The following EYS variants were observed in gnomAD, a reference collection of about 807,000 sequenced individuals.
The protein encoded by EYS is protein eyes shut homolog.
A neutral mutation model predicts 282.1 loss-of-function variants in EYS; 250 were observed. The ratio of observed to expected loss-of-function variants is 0.89; its 90% CI spans 0.80 to 0.98. EYS has a LOEUF of 0.98. Among genes scored for constraint, EYS ranks in the 50% least tolerant of loss-of-function variants. The probability of loss-of-function intolerance (pLI) is 0.00; values close to 1 mark genes in which losing one functional copy is unlikely to be tolerated. For synonymous variants in EYS, 1,355 were observed against 1,282.9 expected (o/e 1.06, Z -1.20); for missense variants, 4,016 against 3,709.0 (o/e 1.08, Z -2.15).
At chr6:64,783,028 G>A (rs1583153513) in intron 22 of EYS, among the ~76,000 whole-genome samples, 2 of 152,148 alleles carry the variant, frequency 1.3e-5, no homozygotes, top group Non-Finnish European at 2.9e-5. Flanking sequence ...TGATGAAATC[G>A]TGCACTGCCC....
At chr6:64,254,966 G>A (rs955230053) in intron 30 of EYS, among the ~76,000 whole-genome samples, 2 of 152,028 alleles carry the variant, frequency 1.3e-5, no homozygotes, top group African/African-American at 4.8e-5. Flanking sequence ...AAGATGACTT[G>A]ACCTACCCAG....
At chr6:64,304,137 C>T (rs981860884) in intron 30 of EYS, among the ~76,000 whole-genome samples, 5 of 152,058 alleles carry the variant, frequency 3.3e-5, no homozygotes, top group African/African-American at 7.2e-5. Context: ...CTTTTGAGGC[C>T]GATGCTGCAG....
chr6:64,303,995 T>G (rs998389448), intron 30 of EYS, among the ~76,000 whole-genome samples: 3 of 152,194 alleles, frequency 2.0e-5, no homozygotes, highest in African/African-American at 4.8e-5. Flanking sequence ...AGACCAACTT[T>G]TGATCATCGT....
At chr6:64,571,511 C>A (rs1412742484) in intron 26 of EYS, among the ~76,000 whole-genome samples, 1 of 151,880 alleles carries the variant, frequency 6.6e-6, no homozygotes, top group Non-Finnish European at 1.5e-5. Flanking sequence ...AAAATATTAA[C>A]AAAATAGATA....
chr6:64,553,549 C>CG (rs1582887450), intron 26 of EYS, among the ~76,000 whole-genome samples: 1 of 118,356 alleles, frequency 8.4e-6, no homozygotes, highest in African/African-American at 3.3e-5. Context: ...TGTTTGACCC[C>CG]CCCCCCCCCA....
chr6:65,562,631 A>G (rs1000581381), intron 2 of EYS, among the ~76,000 whole-genome samples: 1 of 152,058 alleles, frequency 6.6e-6, no homozygotes, highest in Admixed American at 6.6e-5. Context: ...AAATATATAA[A>G]GTTTGAGGCA....
At chr6:64,449,943 A>G (rs920565105) in intron 26 of EYS, among the ~76,000 whole-genome samples, 61 of 152,160 alleles carry the variant, frequency 4.0e-4, no homozygotes, top group African/African-American at 1.3e-3. Flanking sequence ...AAGAAACTGC[A>G]CCAACTAACG....
chr6:64,428,765 G>A (rs915261924), intron 28 of EYS, among the ~76,000 whole-genome samples: 2 of 152,078 alleles, frequency 1.3e-5, no homozygotes, highest in African/African-American at 4.8e-5. Flanking sequence ...TTATTATCTT[G>A]TTTTAAAAAG....
intron 7 of EYS, among the ~76,000 whole-genome samples, chr6:65,384,906 C>T (rs900755694): frequency 1.3e-5 from 2 of 151,842 alleles, no homozygotes; most frequent in Non-Finnish European, 2.9e-5. Context: ...GAATTTGAGA[C>T]AGGATAGAGT....
At chr6:65,317,832 T>TCCAGACAGAG (rs1459428434) in intron 11 of EYS, among the ~76,000 whole-genome samples, 1 of 46,170 alleles carries the variant, frequency 2.2e-5, no homozygotes, top group Non-Finnish European at 4.0e-5. Flanking sequence ...CTTCCTTTCT[T>TCCAGACAGAG]TCTTTCTTTC....
At position 64,096,866 on chromosome 6, in the gene EYS, T is replaced by C. The variant is rs192161581; in HGVS notation, c.6425-14864A>G. The stretch of plus-strand genomic sequence containing the variant: ...TTTCCAGTTTTTCTGCTCTGTTTTT[T>C]CCCCATCTTTGTGGTTTTATCTACC... On this transcript the variant is annotated intron_variant, in intron 31 of 42. Transcript: ENST00000503581. 6.4e-3 allele frequency among the ~76,000 whole-genome samples: 970 copies of C among 152,342 alleles called. 9 individuals are homozygous for C. Among genetic ancestry groups the C allele is most frequent in the East Asian group, 0.031 (160 of 5,186 alleles).
At chr6:64,192,671 A>C (rs1676122724) in intron 31 of EYS, among the ~76,000 whole-genome samples, 1 of 152,216 alleles carries the variant, frequency 6.6e-6, no homozygotes, top group South Asian at 2.1e-4. Context: ...ACCTTATACA[A>C]AAATCAATTC....
intron 28 of EYS, among the ~76,000 whole-genome samples, chr6:64,392,616 G>T (rs1367014930): frequency 6.6e-6 from 1 of 151,074 alleles, no homozygotes; most frequent in African/African-American, 2.4e-5. Context: ...TCTCTGGGAC[G>T]CATTCAAAGC....
chr6:65,120,757 A>C (rs79669002), intron 12 of EYS, among the ~76,000 whole-genome samples: 2 of 152,098 alleles, frequency 1.3e-5, no homozygotes, highest in African/African-American at 4.8e-5. Flanking sequence ...CCTCTCGTTC[A>C]CAGACTTTTC....
intron 22 of EYS, among the ~76,000 whole-genome samples, chr6:64,692,315 C>T (rs867040009): frequency 7.7e-4 from 117 of 152,234 alleles, no homozygotes; most frequent in African/African-American, 2.7e-3. Flanking sequence ...AGTGTCTGTT[C>T]ATGTCCTTTG....
intron 22 of EYS, among the ~76,000 whole-genome samples, chr6:64,700,946 C>A (rs959111591): frequency 3.3e-5 from 5 of 151,962 alleles, no homozygotes; most frequent in African/African-American, 1.2e-4. Context: ...AAGTTGGAGA[C>A]ATCATATTAG....
intron 22 of EYS, among the ~76,000 whole-genome samples, chr6:64,805,801 A>G (rs945680758): frequency 6.6e-6 from 1 of 151,508 alleles, no homozygotes; most frequent in Non-Finnish European, 1.5e-5. Context: ...TTGGAGAACT[A>G]AAGTACAAAA....
intron 8 of EYS, among the ~76,000 whole-genome samples, chr6:65,355,128 C>T (rs1173341915): frequency 1.3e-5 from 2 of 151,956 alleles, no homozygotes; most frequent in African/African-American, 4.8e-5. Context: ...CAGAATAGTA[C>T]ATTATTCATA....
chr6:65,573,504 C>T (rs1257839753), intron 2 of EYS, among the ~76,000 whole-genome samples: 2 of 152,104 alleles, frequency 1.3e-5, no homozygotes, highest in Non-Finnish European at 2.9e-5. Flanking sequence ...GCTGTTCAGT[C>T]ACCTCAGGAA....
Sources: gnomAD v4.1 joint callset for allele counts (sites outside exome capture counted in the v4.1 genomes callset) on GRCh38, gnomAD v4.1.1 for gene constraint, MANE v1.5 for transcripts, NCBI Gene and HGNC (gene_info 2026-07-23, HGNC 2026-07-21) for gene names.